TCOF1: variants seen among roughly 807,000 people sequenced by gnomAD.
TCOF1 encodes treacle ribosome biogenesis factor 1, also known as treacle protein.
Under a neutral mutation model 149.0 loss-of-function variants are expected in TCOF1, and 33 were observed. That is an observed-to-expected ratio of 0.22 (90% CI 0.17 to 0.30). The LOEUF (loss-of-function observed/expected upper bound fraction) is 0.30, where lower values mean the gene tolerates loss of function less well. Ranked by LOEUF, TCOF1 falls within the 10% of genes least tolerant of loss-of-function variation. The pLI is 1.00. For missense variants in TCOF1, 1,728 were observed against 1,840.7 expected, an observed-to-expected ratio of 0.94 and a Z score of 1.12; for synonymous variants, 789 against 738.8, an observed-to-expected ratio of 1.07 and a Z score of -1.10.
chr5:150,393,229 T>C, intron 22 of TCOF1, 143 bp from the exon 23 acceptor site: 1 of 962,506 alleles, frequency 1.0e-6, no homozygotes. Context: ...GCTCTGTGCC[T>C]TGTTGTCCAC....
intron 4 of TCOF1, 171 bp downstream of exon 4, chr5:150,368,088 C>T (rs1252967936): frequency 1.5e-6 from 1 of 668,826 alleles, no homozygotes; most frequent in Non-Finnish European, 2.6e-6. Context: ...CTCTGGGCCT[C>T]AGTTTACTTT....
rs774778131 is a variant in TCOF1, at chr5:150,374,655, C to T, written c.1122C>T (p.Ala374=). 60 of 1,613,792 alleles carry T rather than the reference C, an allele frequency of 3.7e-5. 1 individual carries two copies. The highest frequency in any genetic ancestry group is 5.0e-5 in the Non-Finnish European group (59 of 1,180,004). The change falls in exon 9 of 27, where the codon GCC becomes GCT. Residue 374 remains alanine, a synonymous_variant. Coordinates refer to ENST00000643257, the MANE Select transcript of TCOF1 (RefSeq NM_001371623.1). ...GAAAAACCTCTCAGGTCGGAGCTGC[C>T]TCAGCCCCTGCCAAGGAGTCCCCCA... ...ASGKTSQVGA[A]SAPAKESPRK...
At chr5:150,375,646 T>C in intron 11 of TCOF1, 75 bp from the exon 12 acceptor site, 1 of 1,612,502 alleles carries the variant, frequency 6.2e-7, no homozygotes, top group South Asian at 1.1e-5. Context: ...GGACTCTGTC[T>C]ACAATCTTAG....
At chr5:150,361,263 C>T in intron 2 of TCOF1, 52 bp downstream of exon 2, 1 of 1,598,932 alleles carries the variant, frequency 6.3e-7, no homozygotes, top group South Asian at 1.1e-5. Context: ...CCAAGCAACT[C>T]AGCTTGGAAT....
At chr5:150,397,567 C>A (rs1473962322) in intron 24 of TCOF1, among the ~76,000 whole-genome samples, 1 of 152,144 alleles carries the variant, frequency 6.6e-6, no homozygotes, top group Admixed American at 6.5e-5. Flanking sequence ...CTGTTCAGGG[C>A]CACAGAGTTT....
chr5:150,369,471 G>A (rs1228432738), intron 5 of TCOF1, 58 bp from the exon 6 acceptor site: 1 of 1,600,306 alleles, frequency 6.2e-7, no homozygotes, highest in East Asian at 2.2e-5. Flanking sequence ...AGGTGCTGGG[G>A]AGGGGCAGGT....
chr5:150,383,169 C>T (rs1241721075), intron 17 of TCOF1: 1 of 1,535,166 alleles, frequency 6.5e-7, no homozygotes, highest in South Asian at 1.2e-5. Flanking sequence ...TGCCACTGAC[C>T]CAGGTGCGCC....
In TCOF1 at chr5:150,374,841, C is replaced by T. The variant is rs1763368184; in HGVS notation, c.1278+30C>T. 10 of 1,605,462 alleles carry T rather than the reference C, an allele frequency of 6.2e-6. No homozygotes were observed. The East Asian group carries it at 2.0e-4, about 32-fold the overall frequency. On this transcript the variant is annotated intron_variant, in intron 9 of 26. Coordinates refer to ENST00000643257, the MANE Select transcript of TCOF1 (RefSeq NM_001371623.1). ...GGCAGAGGGGAGGGGTGGAGAGTAG[C>T]CCCATGCCTAAACCCCAGCACCTGC... is the stretch of plus-strand genomic sequence containing the variant.
intron 23 of TCOF1, 23 bp downstream of exon 23, chr5:150,393,575 G>A (rs748350200): frequency 1.2e-6 from 2 of 1,613,916 alleles, no homozygotes; most frequent in Non-Finnish European, 1.7e-6. Flanking sequence ...CTGCAGGAGG[G>A]ACATAGCAGG....
At position 150,374,646 on chromosome 5, in the gene TCOF1, C is replaced by A; in HGVS notation, c.1113C>A (p.Val371=). The change falls in exon 9 of 27, where the codon GTC becomes GTA. Residue 371 remains valine, a synonymous_variant. Transcript: ENST00000643257. ...QAKASGKTSQ[V]GAASAPAKES... ...AGGCCTCAGGAAAAACCTCTCAGGT[C>A]GGAGCTGCCTCAGCCCCTGCCAAGG... is the stretch of plus-strand genomic sequence containing the variant. The A allele has an allele frequency of 6.2e-7, 1 of 1,613,566 alleles. No individual in the cohort carries two copies. The highest frequency in any genetic ancestry group is 8.5e-7 in the Non-Finnish European group (1 of 1,179,936).
chr5:150,379,417 GA>G lies in TCOF1; in HGVS notation c.2658+10del, dbSNP rs1287759961. 3.7e-6 allele frequency: 6 copies of G among 1,613,934 alleles called. No homozygotes were observed. The African/African-American group carries it at 6.7e-5, about 18-fold the overall frequency. On this transcript the variant is annotated intron_variant, in intron 16 of 26. Transcript: ENST00000643257. Reference sequence around the variant, plus strand: ...CGGAGACGCTGGCTCAGGTGAGGGGGAGGGAATGGAGATCATCCCCTACATG... The same window carrying G: ...CGGAGACGCTGGCTCAGGTGAGGGGGGGGAATGGAGATCATCCCCTACATG...
intron 9 of TCOF1, 29 bp from the exon 10 acceptor site, chr5:150,374,925 C>T: frequency 6.2e-7 from 1 of 1,613,398 alleles, no homozygotes; most frequent in Non-Finnish European, 8.5e-7. Context: ...ACCCTCTGGG[C>T]TCTCCCCTCA....
intron 14 of TCOF1, among the ~76,000 whole-genome samples, chr5:150,378,277 A>G (rs933967610): frequency 6.6e-6 from 1 of 152,160 alleles, no homozygotes; most frequent in Admixed American, 6.5e-5. Flanking sequence ...CACTCCTGTT[A>G]AGGATCTCAC....
chr5:150,376,686 C>T, intron 14 of TCOF1, 66 bp downstream of exon 14: 1 of 1,506,004 alleles, frequency 6.6e-7, no homozygotes, highest in Non-Finnish European at 9.0e-7. Flanking sequence ...TGAGGATGGG[C>T]TTGACTGGGG....
At chr5:150,368,495 A>G in intron 4 of TCOF1, 1 of 583,390 alleles carries the variant, frequency 1.7e-6, no homozygotes, top group Non-Finnish European at 3.1e-6. Flanking sequence ...TTAGTAAATA[A>G]CTACCATGTC....
Position 150,361,200 on chromosome 5 carries a change from A to G in TCOF1, c.153A>G (p.Thr51=). The G allele has an allele frequency of 1.9e-6, 3 of 1,614,072 alleles. No individual in the cohort carries two copies. Among genetic ancestry groups the G allele is most frequent in the Non-Finnish European group, 2.5e-6 (3 of 1,179,994 alleles). Residue 51 remains threonine (T), a synonymous_variant, in exon 2 of 27, where the codon ACA becomes ACG. Coordinates refer to ENST00000643257, the MANE Select transcript of TCOF1 (RefSeq NM_001371623.1). The stretch of plus-strand genomic sequence containing the variant: ...CCGTAACCCTTCTGGACATCTATAC[A>G]CACTGGCAACAGTAAGTGGTGGGGC... ...AQPVTLLDIY[T]HWQQTSELGR...
intron 14 of TCOF1, 68 bp from the exon 15 acceptor site, chr5:150,378,837 T>G: frequency 6.2e-6 from 10 of 1,610,846 alleles, no homozygotes; most frequent in Non-Finnish European, 8.5e-6. Context: ...CTCCAGAGTC[T>G]GTATTCTTGG....
At chr5:150,384,115 C>T (rs777419362) in intron 17 of TCOF1, 24 of 1,179,486 alleles carry the variant, frequency 2.0e-5, no homozygotes, top group Non-Finnish European at 2.5e-5. Flanking sequence ...AACCACCTCC[C>T]CTTGAATATC....
chr5:150,392,705 T>C lies in TCOF1; in HGVS notation c.3518T>C (p.Val1173Ala), dbSNP rs1310856888. 3 of 1,613,892 alleles carry C rather than the reference T, an allele frequency of 1.9e-6. No individual in the cohort carries two copies. The highest frequency in any genetic ancestry group is 2.5e-6 in the Non-Finnish European group (3 of 1,179,948). Residue 1173 changes from valine (V) to alanine (A), a missense_variant and splice_region_variant, in exon 22 of 27, where the codon GTA becomes GCA. Transcript: ENST00000643257. ...PQGAKSAHTLVGPTPSRTETL... is the reference protein window; with the variant it reads ...PQGAKSAHTLAGPTPSRTETL... Reference sequence around the variant, plus strand: ...CCAACAGGATACTGTGCTTCTCCAGTAGGTCCCACCCCCTCCAGGACAGAG... The same window carrying C: ...CCAACAGGATACTGTGCTTCTCCAGCAGGTCCCACCCCCTCCAGGACAGAG...
Sources: allele counts gnomAD v4.1 joint callset (sites outside exome capture counted in the v4.1 genomes callset), GRCh38; gene constraint gnomAD v4.1.1; transcripts MANE v1.5; gene names NCBI Gene and HGNC (gene_info 2026-07-23, HGNC 2026-07-21).